PPP2R3A: variants seen among roughly 807,000 people sequenced by gnomAD.
PPP2R3A encodes protein phosphatase 2 regulatory subunit B''alpha.
Under a neutral mutation model 106.9 loss-of-function variants are expected in PPP2R3A, and 80 were observed. The ratio of observed to expected loss-of-function variants is 0.75; its 90% confidence interval spans 0.62 to 0.90. The LOEUF is 0.90. Ranked by LOEUF, PPP2R3A falls within the 40% of genes least tolerant of loss-of-function variation. The pLI is 0.00. For missense variants in PPP2R3A, 1,386 were observed against 1,350.4 expected, an observed-to-expected ratio of 1.03 and a Z score of -0.41; for synonymous variants, 483 against 468.3, an observed-to-expected ratio of 1.03 and a Z score of -0.41.
chr3:136,119,397 A>G lies in PPP2R3A; in HGVS notation c.3329+13075A>G, dbSNP rs569761212. The stretch of plus-strand genomic sequence containing the variant: ...GATCTAATTAAACTAAAGAGTTTCT[A>G]CACAGCAAAAGAAACTATGAGAGTG... On this transcript the variant is annotated intron_variant, in intron 13 of 13. Transcript: ENST00000264977. 7.2e-5 allele frequency among the ~76,000 whole-genome samples: 11 copies of G among 152,310 alleles called. No homozygotes were observed. The East Asian group carries it at 1.2e-3, about 16-fold the overall frequency.
intron 5 of PPP2R3A, among the ~76,000 whole-genome samples, chr3:136,052,041 T>C (rs1385694355): frequency 2.6e-5 from 4 of 152,242 alleles, no homozygotes; most frequent in Non-Finnish European, 5.9e-5. Flanking sequence ...TTAATAGTTT[T>C]TGGCATTTAA....
intron 13 of PPP2R3A, among the ~76,000 whole-genome samples, chr3:136,124,966 G>A (rs1421064703): frequency 6.6e-6 from 1 of 152,080 alleles, no homozygotes. Context: ...TGAAAAATCA[G>A]AATAGGCCTA....
chr3:136,060,754 G>C (rs1284326620), intron 5 of PPP2R3A, among the ~76,000 whole-genome samples: 1 of 152,122 alleles, frequency 6.6e-6, no homozygotes, highest in Non-Finnish European at 1.5e-5. Flanking sequence ...AATAACCAAA[G>C]CTGGGAGGAT....
At chr3:135,965,893 C>G (rs1937066081) in intron 1 of PPP2R3A, 44 bp downstream of exon 1, 2 of 151,804 alleles carry the variant, frequency 1.3e-5, no homozygotes, top group South Asian at 2.0e-4. Flanking sequence ...GCCTTCAGCT[C>G]CCTCGTCCCG....
intron 3 of PPP2R3A, among the ~76,000 whole-genome samples, chr3:136,038,252 C>T (rs573112521): frequency 5.9e-5 from 9 of 152,222 alleles, no homozygotes; most frequent in Admixed American, 3.9e-4. Flanking sequence ...CTTGGCTACT[C>T]AGGGTACCCC....
chr3:135,971,714 A>G (rs565221871), intron 1 of PPP2R3A, among the ~76,000 whole-genome samples: 63 of 152,302 alleles, frequency 4.1e-4, no homozygotes, highest in Non-Finnish European at 2.4e-4. Flanking sequence ...TTGGTCCAAG[A>G]TGGTTTGTAA....
At chr3:136,108,717 T>TAAAA (rs1937553436) in intron 13 of PPP2R3A, among the ~76,000 whole-genome samples, 1 of 151,892 alleles carries the variant, frequency 6.6e-6, no homozygotes, top group Admixed American at 6.5e-5. Flanking sequence ...TTTCCAGTTT[T>TAAAA]AAAAATTCAA....
intron 13 of PPP2R3A, among the ~76,000 whole-genome samples, chr3:136,108,638 G>A (rs1937552269): frequency 6.6e-6 from 1 of 151,672 alleles, no homozygotes. Flanking sequence ...AATAGTGATG[G>A]ACCCCAGATT....
intron 3 of PPP2R3A, among the ~76,000 whole-genome samples, chr3:136,036,851 C>T (rs1935103519): frequency 6.6e-6 from 1 of 152,188 alleles, no homozygotes; most frequent in Non-Finnish European, 1.5e-5. Context: ...TTAGCTTTTA[C>T]TTGGCTATTG....
intron 1 of PPP2R3A, among the ~76,000 whole-genome samples, chr3:135,981,297 C>T (rs1937536516): frequency 6.6e-6 from 1 of 151,756 alleles, no homozygotes; most frequent in Non-Finnish European, 1.5e-5. Flanking sequence ...GTCTTCTCTA[C>T]TTTGCCTCTC....
chr3:135,970,171 A>C (rs1169883009), intron 1 of PPP2R3A, among the ~76,000 whole-genome samples: 1 of 152,256 alleles, frequency 6.6e-6, no homozygotes, highest in East Asian at 1.9e-4. Context: ...GTTGAGAACC[A>C]CTGACAGAGA....
chr3:136,082,027 C>T (rs1246352892), intron 7 of PPP2R3A, among the ~76,000 whole-genome samples: 1 of 152,150 alleles, frequency 6.6e-6, no homozygotes, highest in Non-Finnish European at 1.5e-5. Flanking sequence ...TTCCCTTCCC[C>T]TGCTTTTACA....
chr3:136,042,881 C>T (rs1935333848), intron 4 of PPP2R3A, among the ~76,000 whole-genome samples: 1 of 152,114 alleles, frequency 6.6e-6, no homozygotes, highest in South Asian at 2.1e-4. Context: ...AAGGGAGCCC[C>T]AAGTGTGGCT....
intron 2 of PPP2R3A, 101 bp from the exon 3 acceptor site, chr3:136,026,731 C>G: frequency 8.9e-7 from 1 of 1,126,850 alleles, no homozygotes; most frequent in South Asian, 1.6e-5. Context: ...CCCTTAATCT[C>G]TCCTGTCTCT....
chr3:136,132,718 A>G (rs1416872804), intron 13 of PPP2R3A, among the ~76,000 whole-genome samples: 5 of 151,906 alleles, frequency 3.3e-5, no homozygotes, highest in Non-Finnish European at 7.4e-5. Flanking sequence ...TCCCTATCAA[A>G]ATCCCGGCAG....
intron 13 of PPP2R3A, among the ~76,000 whole-genome samples, chr3:136,128,297 C>G (rs1252385092): frequency 4.6e-5 from 6 of 129,892 alleles, no homozygotes; most frequent in Non-Finnish European, 6.5e-5. Flanking sequence ...CACATAGGCT[C>G]AAAATAAAGG....
chr3:136,041,948 C>CT (rs887252995), intron 4 of PPP2R3A, among the ~76,000 whole-genome samples: 2 of 152,134 alleles, frequency 1.3e-5, no homozygotes, highest in Non-Finnish European at 2.9e-5. Context: ...CCTTCTGCCT[C>CT]TTTTAACTGA....
chr3:136,015,443 C>G (rs1013050229), intron 2 of PPP2R3A, among the ~76,000 whole-genome samples: 1 of 152,030 alleles, frequency 6.6e-6, no homozygotes, highest in Non-Finnish European at 1.5e-5. Flanking sequence ...CCATCTGGTC[C>G]TGGACTTTTT....
intron 13 of PPP2R3A, among the ~76,000 whole-genome samples, chr3:136,134,967 A>C (rs1213492913): frequency 6.6e-6 from 1 of 152,204 alleles, no homozygotes; most frequent in African/African-American, 2.4e-5. Flanking sequence ...AAGAAGAAAT[A>C]GATAGCAGAT....
Sources: gnomAD v4.1 joint callset for allele counts (sites outside exome capture counted in the v4.1 genomes callset) on GRCh38, gnomAD v4.1.1 for gene constraint, MANE v1.5 for transcripts, NCBI Gene and HGNC (gene_info 2026-07-23, HGNC 2026-07-21) for gene names.